The following WDR36 variants were observed in gnomAD, a reference collection of about 807,000 sequenced individuals.
WDR36 encodes the protein WD repeat-containing protein 36.
A neutral mutation model predicts 112.7 loss-of-function variants in WDR36; 63 were observed. The ratio of observed to expected loss-of-function variants is 0.56; its 90% confidence interval spans 0.46 to 0.69. WDR36 has a LOEUF of 0.69. Among genes scored for constraint, WDR36 ranks in the 30% least tolerant of loss-of-function variants. The pLI is 0.00. For synonymous variants in WDR36, 410 were observed against 362.2 expected (o/e 1.13, Z -1.50); for missense variants, 1,226 against 1,070.3 (o/e 1.15, Z -2.03).
chr5:111,099,476 T>TTTTTTTTTGTTTTGTTTTG (rs1753074083), intron 4 of WDR36, among the ~76,000 whole-genome samples: 2 of 130,608 alleles, frequency 1.5e-5, no homozygotes, highest in Admixed American at 7.9e-5. Flanking sequence ...TTTTTTTTTT[T>TTTTTTTTTGTTTTGTTTTG]TTTTTTTTCA....
chr5:111,121,284 A>G, intron 19 of WDR36, 143 bp downstream of exon 19: 1 of 801,984 alleles, frequency 1.2e-6, no homozygotes. Flanking sequence ...TATTTAATCA[A>G]ATATTGTTTA....
Position 111,098,848 on chromosome 5 carries a change from TAACTC to T in WDR36, c.409+11_409+15del. On this transcript the variant is annotated intron_variant, in intron 4 of 22. Transcript: ENST00000513710. ...GCACATATATTCAGAAGGTAAGAGTTAACTCATTTATTTGCTTTATCTTAGGGTAG... is the reference window on the plus strand; with the variant it reads ...GCACATATATTCAGAAGGTAAGAGTTATTTATTTGCTTTATCTTAGGGTAG... 1 of 1,520,988 alleles carries T rather than the reference TAACTC, an allele frequency of 6.6e-7. No homozygotes were observed. Among genetic ancestry groups the T allele is most frequent in the Non-Finnish European group, 9.1e-7 (1 of 1,095,622 alleles). 94.2% of individuals were successfully genotyped at this position (1,520,988 alleles called of 1,614,324 possible).
chr5:111,120,150 T>G (rs1753536192), intron 17 of WDR36, among the ~76,000 whole-genome samples: 1 of 152,144 alleles, frequency 6.6e-6, no homozygotes, highest in Non-Finnish European at 1.5e-5. Flanking sequence ...GCACTCTGAC[T>G]TACTCTCTGA....
At chr5:111,094,217 A>G (rs1423991385) in intron 1 of WDR36, among the ~76,000 whole-genome samples, 1 of 152,194 alleles carries the variant, frequency 6.6e-6, no homozygotes, top group Non-Finnish European at 1.5e-5. Flanking sequence ...GCTATCATGT[A>G]TTGAGCAGTT....
At position 111,126,986 on chromosome 5, in the gene WDR36, A is replaced by G; in HGVS notation, c.*103A>G. The G allele has an allele frequency of 8.9e-7, 1 of 1,126,974 alleles. No homozygotes were observed. The highest frequency in any genetic ancestry group is 1.6e-5 in the African/African-American group (1 of 63,268). 69.8% of individuals were successfully genotyped at this position (1,126,974 alleles called of 1,614,324 possible). A position where few individuals can be genotyped will look rare whatever the true frequency, so the allele number is the denominator to read the frequency against. ...ATGTGAAAAGAAAATAAATGCTAGC[A>G]CTACTGACTAGTCAGTATATCTCCA... On this transcript the variant is annotated 3_prime_UTR_variant, in exon 23 of 23. Coordinates refer to ENST00000513710, the MANE Select transcript of WDR36 (RefSeq NM_139281.3).
chr5:111,121,050 A>T lies in WDR36; in HGVS notation c.2057A>T (p.Asp686Val), dbSNP rs145638731. Reference protein sequence around the residue: ...VEPSDELIEYDSPEQLNEQLV... With the variant: ...VEPSDELIEYVSPEQLNEQLV... Reference sequence around the variant, plus strand: ...CCAAGTGATGAATTGATAGAATATGATTCGCCAGAACAGTTGAATGAGCAA... The same window carrying T: ...CCAAGTGATGAATTGATAGAATATGTTTCGCCAGAACAGTTGAATGAGCAA... Residue 686 changes from aspartate to valine, a missense_variant, in exon 19 of 23, where the codon GAT (aspartate) becomes GTT (valine). By Grantham distance (152) the Asp-to-Val change is radical. Coordinates refer to ENST00000513710, the MANE Select transcript of WDR36 (RefSeq NM_139281.3). The T allele has an allele frequency of 1.7e-4, 271 of 1,613,494 alleles. No homozygotes were observed. Among genetic ancestry groups the T allele is most frequent in the Non-Finnish European group, 2.2e-4 (260 of 1,179,646 alleles).
At chr5:111,120,896 C>T in intron 18 of WDR36, 100 bp from the exon 19 acceptor site, 1 of 1,036,680 alleles carries the variant, frequency 9.6e-7, no homozygotes. Flanking sequence ...TACAAGGCTG[C>T]ATTAAATGAA....
rs370878775 is a variant in WDR36 at position 111,126,867 on chromosome 5, A to G, written c.2672A>G (p.Lys891Arg). ...AGCATGTGTATTTTAAATTATCTCAAAAGTGCTTTGTTGTAAAAATAAATT... is the reference window on the plus strand; with the variant it reads ...AGCATGTGTATTTTAAATTATCTCAGAAGTGCTTTGTTGTAAAAATAAATT... ...NQSMCILNYL[K>R]SALL is the part of the protein sequence containing the mutation. The change falls in exon 23 of 23, where the codon AAA (lysine) becomes AGA (arginine). Residue 891 changes from lysine to arginine, a missense_variant. Coordinates refer to ENST00000513710, the MANE Select transcript of WDR36 (RefSeq NM_139281.3). 1.2e-6 allele frequency: 2 copies of G among 1,606,538 alleles called. No individual in the cohort carries two copies. Among genetic ancestry groups the G allele is most frequent in the Non-Finnish European group, 1.7e-6 (2 of 1,177,042 alleles).
rs920538856 is a variant in WDR36 at position 111,101,316 on chromosome 5, C to G, written c.542+595C>G. ...GTAAAGAATTGCTATAGAGAAGGCTCTAATAAAGGTCTATGAGATCCATCA... is the reference window on the plus strand; with the variant it reads ...GTAAAGAATTGCTATAGAGAAGGCTGTAATAAAGGTCTATGAGATCCATCA... On this transcript the variant is annotated intron_variant, in intron 5 of 22. Transcript: ENST00000513710. 1.3e-4 allele frequency among the ~76,000 whole-genome samples: 20 copies of G among 151,694 alleles called. 1 individual carries two copies. Among genetic ancestry groups the G allele is most frequent in the African/African-American group, 4.6e-4 (19 of 41,338 alleles).
At position 111,125,660 on chromosome 5, in the gene WDR36, A is replaced by C; in HGVS notation, c.2403A>C (p.Thr801=). ...LKESGPSGIE[T]ELRSLSPDCG... The stretch of plus-strand genomic sequence containing the variant: ...AATCAGGCCCATCAGGAATTGAAAC[A>C]GAGCTGCGAAGCTTGTCTCCTGATT... The change falls in exon 22 of 23, where the codon ACA becomes ACC. Residue 801 remains threonine, a synonymous_variant. Coordinates refer to ENST00000513710, the MANE Select transcript of WDR36 (RefSeq NM_139281.3). 1 of 1,613,902 alleles carries C rather than the reference A, an allele frequency of 6.2e-7. No homozygotes were observed. Among genetic ancestry groups the C allele is most frequent in the South Asian group, 1.1e-5 (1 of 91,072 alleles).
At chr5:111,102,183 A>T (rs1026642437) in intron 5 of WDR36, among the ~76,000 whole-genome samples, 162 bp from the exon 6 acceptor site, 5 of 151,526 alleles carry the variant, frequency 3.3e-5, no homozygotes, top group African/African-American at 1.2e-4. Context: ...TCTGGACAAT[A>T]TTACTAACCT....
At chr5:111,098,108 G>C (rs945592894) in intron 3 of WDR36, among the ~76,000 whole-genome samples, 4 of 152,130 alleles carry the variant, frequency 2.6e-5, no homozygotes, top group Non-Finnish European at 4.4e-5. Flanking sequence ...GAACAAAATA[G>C]GGGTGGGGAG....
intron 12 of WDR36, among the ~76,000 whole-genome samples, chr5:111,109,060 T>C (rs1753273489): frequency 6.6e-6 from 1 of 151,254 alleles, no homozygotes; most frequent in South Asian, 2.1e-4. Flanking sequence ...GCTTAGATAA[T>C]ACATTAGAAT....
rs376194514 is a variant in WDR36, at chr5:111,105,393, A to T, written c.1093+33A>T. On this transcript the variant is annotated intron_variant, in intron 10 of 22. Coordinates refer to ENST00000513710, the MANE Select transcript of WDR36 (RefSeq NM_139281.3). ...CTCTACAAGACAAAATAAGCTGGTC[A>T]CGAAAGAAACATTTCAACATTCTAT... 22 of 1,574,108 alleles carry T rather than the reference A, an allele frequency of 1.4e-5. No homozygotes were observed. In the African/African-American group the frequency reaches 2.3e-4, roughly 16 times the overall value.
At position 111,127,592 on chromosome 5, in the gene WDR36, T is replaced by C. The variant is rs1388106761; in HGVS notation, c.*709T>C. ...TGGTATTTCAGTGACAGATTAAAAC[T>C]TTCTAACAGTGGCCTAGTGCTTTCT... On this transcript the variant is annotated 3_prime_UTR_variant, in exon 23 of 23. Transcript: ENST00000513710. The C allele has an allele frequency of 9.5e-6, 2 of 210,374 alleles. No homozygotes were observed. The highest frequency in any genetic ancestry group is 7.1e-5 in the East Asian group (1 of 14,134). The allele number at this position is 210,374 out of a possible 1,614,324, so 13.0% of individuals were successfully genotyped here. A position where few individuals can be genotyped will look rare whatever the true frequency, so the allele number is the denominator to read the frequency against.
chr5:111,104,439 A>G (rs928704747), intron 8 of WDR36, 87 bp downstream of exon 8: 1 of 1,554,708 alleles, frequency 6.4e-7, no homozygotes, highest in Non-Finnish European at 8.9e-7. Context: ...TCAGCTTTCA[A>G]CCTAGAAGAT....
At chr5:111,095,986 T>C (rs754416772) in intron 2 of WDR36, among the ~76,000 whole-genome samples, 18 of 152,230 alleles carry the variant, frequency 1.2e-4, no homozygotes, top group Non-Finnish European at 2.5e-4. Context: ...ATTAAACTTA[T>C]ATTTTAATAA....
At position 111,127,889 on chromosome 5, in the gene WDR36, C is replaced by G. The variant is rs997604518; in HGVS notation, c.*1006C>G. ...CTACCACAGCCAAGAATGGGTATTT[C>G]AAAGCCAGGGTTTTTTTTATTTTGT... On this transcript the variant is annotated 3_prime_UTR_variant, in exon 23 of 23. Coordinates refer to ENST00000513710, the MANE Select transcript of WDR36 (RefSeq NM_139281.3). 1.3e-4 allele frequency: 27 copies of G among 204,510 alleles called. No individual in the cohort carries two copies. The highest frequency in any genetic ancestry group is 5.7e-4 in the African/African-American group (25 of 43,728). 12.7% of individuals were successfully genotyped at this position (204,510 alleles called of 1,614,324 possible).
rs774415563 is a variant in WDR36 at position 111,092,444 on chromosome 5, G to A, written c.-13G>A. On this transcript the variant is annotated 5_prime_UTR_variant, in exon 1 of 23. Coordinates refer to ENST00000513710, the MANE Select transcript of WDR36 (RefSeq NM_139281.3). ...CAGGACCAGAGCTGAGAGGAGCTGG[G>A]ATCGCGGCGGCAATGGAACGGGCCT... The A allele has an allele frequency of 3.1e-6, 5 of 1,614,238 alleles. No individual in the cohort carries two copies. The South Asian group carries it at 4.4e-5, about 14-fold the overall frequency.
Sources: gnomAD v4.1 joint callset for allele counts (sites outside exome capture counted in the v4.1 genomes callset) on GRCh38, gnomAD v4.1.1 for gene constraint, MANE v1.5 for transcripts, NCBI Gene and HGNC (gene_info 2026-07-23, HGNC 2026-07-21) for gene names.